Variants in GRM8 observed in about 807,000 individuals in gnomAD.
GRM8 encodes the protein glutamate metabotropic receptor 8.
In GRM8, 47 loss-of-function variants were observed where a neutral mutation model predicts 87.2. The ratio of observed to expected loss-of-function variants is 0.54; its 90% CI spans 0.43 to 0.69. The LOEUF is 0.69. Ranked by LOEUF, GRM8 falls within the 30% of genes least tolerant of loss-of-function variation. GRM8 has a pLI of 0.00. For synonymous variants in GRM8, 396 were observed against 404.5 expected (o/e 0.98, Z 0.25); for missense variants, 1,019 against 1,139.2 (o/e 0.89, Z 1.52).
At chr7:127,129,441 T>C (rs1827553396) in intron 2 of GRM8, among the ~76,000 whole-genome samples, 1 of 152,230 alleles carries the variant, frequency 6.6e-6, no homozygotes, top group African/African-American at 2.4e-5. Context: ...ATCATCACTT[T>C]ATTATATACT....
intron 7 of GRM8, among the ~76,000 whole-genome samples, chr7:126,746,389 T>C (rs1225167535): frequency 6.6e-6 from 1 of 151,782 alleles, no homozygotes; most frequent in East Asian, 1.9e-4. Context: ...TCCATGGTTA[T>C]CTAGAATATA....
intron 7 of GRM8, among the ~76,000 whole-genome samples, chr7:126,763,384 T>C (rs891300679): frequency 1.2e-4 from 18 of 144,174 alleles, no homozygotes; most frequent in Non-Finnish European, 1.8e-4. Context: ...AAACTCTTAA[T>C]CAATAAAATG....
chr7:127,221,835 C>T (rs1437425070), intron 2 of GRM8, among the ~76,000 whole-genome samples: 1 of 152,090 alleles, frequency 6.6e-6, no homozygotes, highest in African/African-American at 2.4e-5. Context: ...AGGAATATCC[C>T]TTGTCCCTTC....
chr7:126,468,714 G>A (rs913310375), intron 9 of GRM8, among the ~76,000 whole-genome samples: 6 of 152,046 alleles, frequency 3.9e-5, no homozygotes, highest in Admixed American at 2.6e-4. Context: ...CTAACTCACT[G>A]ATACTTCTAT....
intron 3 of GRM8, among the ~76,000 whole-genome samples, chr7:127,092,204 T>G (rs1046407262): frequency 2.0e-5 from 3 of 152,012 alleles, no homozygotes; most frequent in African/African-American, 7.3e-5. Flanking sequence ...TTTTTGATTT[T>G]GTGACACTTG....
At chr7:126,960,336 GA>G (rs1320020908) in intron 3 of GRM8, among the ~76,000 whole-genome samples, 2 of 151,990 alleles carry the variant, frequency 1.3e-5, no homozygotes, top group Non-Finnish European at 2.9e-5. Context: ...AAATCCAGGG[GA>G]AAAAAATACT....
In GRM8 at chr7:127,036,036, G is replaced by A. The variant is rs1029227193; in HGVS notation, c.727+70460C>T. 1.2e-4 allele frequency among the ~76,000 whole-genome samples: 19 copies of A among 152,122 alleles called. No individual in the cohort carries two copies. The South Asian group carries it at 1.7e-3, about 13-fold the overall frequency. On this transcript the variant is annotated intron_variant, in intron 3 of 10. Transcript: ENST00000339582. ...TTATCAGTATTATTGCGTTTCACTC[G>A]CCTCAAAGATTATGAAGCCCTTTGA...
intron 8 of GRM8, among the ~76,000 whole-genome samples, chr7:126,588,573 C>T (rs1433484832): frequency 6.6e-6 from 1 of 152,024 alleles, no homozygotes; most frequent in African/African-American, 2.4e-5. Context: ...CAGTGGTGAA[C>T]TGGATAAAGA....
chr7:126,649,465 C>T (rs1276788575), intron 7 of GRM8, among the ~76,000 whole-genome samples: 1 of 152,176 alleles, frequency 6.6e-6, no homozygotes, highest in Non-Finnish European at 1.5e-5. Context: ...GGCTTCCTTG[C>T]TTCTCAGCTT....
chr7:126,647,468 T>C (rs2151229043), intron 7 of GRM8, among the ~76,000 whole-genome samples: 1 of 152,216 alleles, frequency 6.6e-6, no homozygotes, highest in South Asian at 2.1e-4. Context: ...GTCAAATATC[T>C]AACTCAGCCT....
chr7:126,839,261 A>G (rs1047109069), intron 6 of GRM8, among the ~76,000 whole-genome samples: 1 of 152,220 alleles, frequency 6.6e-6, no homozygotes, highest in Admixed American at 6.5e-5. Flanking sequence ...AACATGGTCC[A>G]TGGAATAGCA....
At chr7:126,532,763 AG>A (rs1815024277) in intron 9 of GRM8, among the ~76,000 whole-genome samples, 188 bp downstream of exon 9, 3 of 92,382 alleles carry the variant, frequency 3.2e-5, no homozygotes, top group African/African-American at 8.8e-5. Flanking sequence ...TGACGGATGG[AG>A]ATATATATAT....
chr7:126,717,671 A>G (rs770231395), intron 7 of GRM8, among the ~76,000 whole-genome samples: 18 of 152,276 alleles, frequency 1.2e-4, no homozygotes, highest in Admixed American at 2.6e-4. Context: ...CATTCCCTTT[A>G]TATTACATAT....
intron 3 of GRM8, among the ~76,000 whole-genome samples, chr7:127,063,963 T>C (rs1355312269): frequency 6.6e-6 from 1 of 152,242 alleles, no homozygotes; most frequent in Non-Finnish European, 1.5e-5. Flanking sequence ...TGACTTTCTA[T>C]TTTTATTGTG....
At chr7:127,079,295 T>C (rs2132761482) in intron 3 of GRM8, among the ~76,000 whole-genome samples, 1 of 152,234 alleles carries the variant, frequency 6.6e-6, no homozygotes, top group South Asian at 2.1e-4. Context: ...GCTAATTTTG[T>C]ATTTTCAGTA....
chr7:126,696,611 T>C (rs1408115414), intron 7 of GRM8, among the ~76,000 whole-genome samples: 1 of 152,226 alleles, frequency 6.6e-6, no homozygotes, highest in African/African-American at 2.4e-5. Context: ...TTTTTATTTA[T>C]TTATTTTTAC....
At chr7:126,698,622 C>A (rs991565419) in intron 7 of GRM8, among the ~76,000 whole-genome samples, 1 of 152,034 alleles carries the variant, frequency 6.6e-6, no homozygotes, top group East Asian at 1.9e-4. Context: ...CTGATACAAT[C>A]TAGACCGTGA....
intron 3 of GRM8, among the ~76,000 whole-genome samples, chr7:127,022,926 T>C (rs1035451557): frequency 6.6e-6 from 1 of 152,038 alleles, no homozygotes; most frequent in Admixed American, 6.6e-5. Flanking sequence ...TGAGAACATG[T>C]TTTTAAATAC....
chr7:126,973,775 A>G (rs1810674513), intron 3 of GRM8, among the ~76,000 whole-genome samples: 1 of 152,220 alleles, frequency 6.6e-6, no homozygotes, highest in Admixed American at 6.5e-5. Context: ...AAATTAACCC[A>G]TGATTATTCT....
Sources: allele counts gnomAD v4.1 joint callset (sites outside exome capture counted in the v4.1 genomes callset), GRCh38; gene constraint gnomAD v4.1.1; transcripts MANE v1.5; gene names NCBI Gene and HGNC (gene_info 2026-07-23, HGNC 2026-07-21).